Variants in PSPC1 observed in about 807,000 individuals in gnomAD.
PSPC1 encodes the protein paraspeckle component 1, also known as paraspeckle protein 1.
A neutral mutation model predicts 51.6 loss-of-function variants in PSPC1; 14 were observed. The observed-to-expected ratio is 0.27, with a 90% CI of 0.18 to 0.42. PSPC1 has a LOEUF of 0.42. Ranked by LOEUF, PSPC1 falls within the 10% of genes least tolerant of loss-of-function variation. The pLI is 1.00. For synonymous variants in PSPC1, 193 were observed against 231.9 expected (o/e 0.83, Z 1.53); for missense variants, 406 against 701.1 (o/e 0.58, Z 4.75).
At chr13:19,682,549 T>C (rs1032958132) in intron 6 of PSPC1, among the ~76,000 whole-genome samples, 3 of 139,082 alleles carry the variant, frequency 2.2e-5, no homozygotes, top group African/African-American at 8.2e-5. Context: ...TATCGGAAAA[T>C]GTTCACAACG....
chr13:19,674,328 G>C (rs1387354977), downstream of PSPC1, among the ~76,000 whole-genome samples: 1 of 152,208 alleles, frequency 6.6e-6, no homozygotes, highest in African/African-American at 2.4e-5. Flanking sequence ...TTTCAGTCCA[G>C]AAATAGAAAA....
At chr13:19,729,254 C>G (rs892718576) in intron 6 of PSPC1, among the ~76,000 whole-genome samples, 2 of 151,998 alleles carry the variant, frequency 1.3e-5, no homozygotes, top group Non-Finnish European at 2.9e-5. Context: ...TTAGAAATGT[C>G]GGCTGGGCAT....
downstream of PSPC1, among the ~76,000 whole-genome samples, chr13:19,697,805 C>T (rs1488709806): frequency 1.3e-5 from 2 of 152,028 alleles, no homozygotes; most frequent in Non-Finnish European, 2.9e-5. Context: ...TAAAGAATGT[C>T]TGAAACTTAA....
chr13:19,698,009 A>G (rs568432817), downstream of PSPC1, among the ~76,000 whole-genome samples: 12 of 152,262 alleles, frequency 7.9e-5, no homozygotes, highest in South Asian at 2.5e-3. Context: ...GAACAGGCAC[A>G]GGATTATATA....
intron 6 of PSPC1, among the ~76,000 whole-genome samples, chr13:19,719,132 A>T (rs1030633418): frequency 6.7e-6 from 1 of 149,914 alleles, no homozygotes. Context: ...GCACGTGTCA[A>T]TGTAGCTTCA....
intron 6 of PSPC1, among the ~76,000 whole-genome samples, chr13:19,721,578 G>A (rs1882771315): frequency 6.6e-6 from 1 of 152,086 alleles, no homozygotes; most frequent in Admixed American, 6.5e-5. Flanking sequence ...GACACTCTCA[G>A]TAGAGAATTT....
At chr13:19,781,042 C>T (rs975088181) in intron 1 of PSPC1, among the ~76,000 whole-genome samples, 5 of 151,430 alleles carry the variant, frequency 3.3e-5, no homozygotes, top group African/African-American at 1.2e-4. Context: ...CTGTAGTCCC[C>T]GTCCCAGCTA....
intron 6 of PSPC1, among the ~76,000 whole-genome samples, chr13:19,694,513 T>G (rs1309590081): frequency 6.6e-6 from 1 of 152,234 alleles, no homozygotes; most frequent in Non-Finnish European, 1.5e-5. Context: ...AATTTTACAT[T>G]CTTTTCTTCG....
intron 4 of PSPC1, among the ~76,000 whole-genome samples, chr13:19,750,055 T>C (rs1241106611): frequency 2.6e-5 from 4 of 152,170 alleles, no homozygotes; most frequent in African/African-American, 9.6e-5. Context: ...CAAAAAAACC[T>C]ACACTTCATT....
intron 2 of PSPC1, among the ~76,000 whole-genome samples, chr13:19,767,823 C>A (rs1337957238): frequency 2.0e-5 from 3 of 151,980 alleles, no homozygotes. Flanking sequence ...AAGCAAAGAT[C>A]ATACAAGGAC....
At chr13:19,688,905 T>C (rs1329619779) in intron 6 of PSPC1, among the ~76,000 whole-genome samples, 1 of 151,456 alleles carries the variant, frequency 6.6e-6, no homozygotes, top group Non-Finnish European at 1.5e-5. Flanking sequence ...CAAAGACACA[T>C]TCACATTAAA....
chr13:19,757,129 C>CA (rs56303316), intron 3 of PSPC1, among the ~76,000 whole-genome samples: 192 of 110,000 alleles, frequency 1.7e-3, no homozygotes, highest in African/African-American at 4.0e-3. Context: ...GACTCCGTCT[C>CA]AAAAAAAAAA....
chr13:19,750,447 C>CAAA (rs1357389569), intron 4 of PSPC1, among the ~76,000 whole-genome samples: 1 of 87,804 alleles, frequency 1.1e-5, no homozygotes, highest in East Asian at 4.1e-4. Context: ...AAACAAAAAA[C>CAAA]AAACAAACAA....
At chr13:19,697,056 T>C (rs1264147912) in intron 6 of PSPC1, among the ~76,000 whole-genome samples, 1 of 152,180 alleles carries the variant, frequency 6.6e-6, no homozygotes, top group East Asian at 1.9e-4. Flanking sequence ...TTGTCAGGGA[T>C]CTTATCCAAT....
intron 3 of PSPC1, among the ~76,000 whole-genome samples, chr13:19,757,709 C>T (rs191000328): frequency 7.2e-5 from 11 of 152,300 alleles, no homozygotes; most frequent in Admixed American, 2.0e-4. Context: ...GTAACAGGGC[C>T]TTTGAGCCCC....
chr13:19,693,981 G>A (rs1056818487), intron 6 of PSPC1, among the ~76,000 whole-genome samples: 1 of 151,706 alleles, frequency 6.6e-6, no homozygotes, highest in African/African-American at 2.4e-5. Flanking sequence ...AAATTAGCCG[G>A]GTGTGGTGGC....
At chr13:19,778,428 C>T (rs1490061119) in intron 1 of PSPC1, among the ~76,000 whole-genome samples, 5 of 127,870 alleles carry the variant, frequency 3.9e-5, no homozygotes, top group Admixed American at 1.6e-4. Flanking sequence ...CCCTCTCATG[C>T]GGAGCCGAAG....
intron 2 of PSPC1, among the ~76,000 whole-genome samples, chr13:19,768,080 C>T (rs890745044): frequency 6.6e-6 from 1 of 151,668 alleles, no homozygotes; most frequent in African/African-American, 2.4e-5. Flanking sequence ...AAAAAATTAG[C>T]CAGGCATGGT....
At chr13:19,742,273 A>AAT (rs974033154) in intron 4 of PSPC1, among the ~76,000 whole-genome samples, 2 of 151,640 alleles carry the variant, frequency 1.3e-5, no homozygotes, top group Non-Finnish European at 2.9e-5. Context: ...AAAAAAAAAA[A>AAT]AAACAAACAA....
Sources: gnomAD v4.1 joint callset for allele counts (sites outside exome capture counted in the v4.1 genomes callset) on GRCh38, gnomAD v4.1.1 for gene constraint, MANE v1.5 for transcripts, NCBI Gene and HGNC (gene_info 2026-07-23, HGNC 2026-07-21) for gene names.